Variants in DNAI7 observed in about 807,000 individuals in gnomAD.
DNAI7 encodes cancer susceptibility 1.
In DNAI7, 78 loss-of-function variants were observed where a neutral mutation model predicts 86.6. That is an observed-to-expected ratio of 0.90 (90% CI 0.75 to 1.09). The LOEUF is 1.09. DNAI7 is among the 50% of genes least tolerant of loss of function. The pLI is 0.00. For synonymous variants in DNAI7, 274 were observed against 273.0 expected (o/e 1.00, Z -0.04); for missense variants, 753 against 810.2 (o/e 0.93, Z 0.86).
chr12:25,192,240 T>C (rs1041812603), intron 1 of DNAI7, among the ~76,000 whole-genome samples: 1 of 152,232 alleles, frequency 6.6e-6, no homozygotes, highest in African/African-American at 2.4e-5. Flanking sequence ...CAGCTGAATA[T>C]GTAAATAGCA....
chr12:25,195,146 G>C lies in DNAI7; in HGVS notation c.-68C>G, dbSNP rs777249650. The C allele has an allele frequency of 3.9e-6, 6 of 1,558,220 alleles. No homozygotes were observed. In the African/African-American group the frequency reaches 4.1e-5, roughly 11 times the overall value. On this transcript the variant is annotated 5_prime_UTR_variant, in exon 1 of 16. Transcript: ENST00000395987. Reference sequence around the variant, plus strand: ...GAAATTGTGTGGACAAACGCTCCCGGGTTGCCCGGACGACAGGCCCCGCCC... The same window carrying C: ...GAAATTGTGTGGACAAACGCTCCCGCGTTGCCCGGACGACAGGCCCCGCCC...
chr12:25,145,682 T>A (rs564667896), intron 8 of DNAI7, among the ~76,000 whole-genome samples: 6 of 152,310 alleles, frequency 3.9e-5, no homozygotes, highest in East Asian at 1.9e-4. Flanking sequence ...TAGTTTTTTT[T>A]AAATGTCACA....
In DNAI7 at chr12:25,148,585, T is replaced by G. The variant is rs1451043618; in HGVS notation, c.585+1043A>C. 2.3e-4 allele frequency among the ~76,000 whole-genome samples: 35 copies of G among 152,230 alleles called. 1 individual carries two copies. Among genetic ancestry groups the G allele is most frequent in the Admixed American group, 2.3e-3 (35 of 15,280 alleles). On this transcript the variant is annotated intron_variant, in intron 7 of 15. Transcript: ENST00000395987. ...AAATGGTGATTTCCTAACTGATCAC[T>G]GCATCCACATTAGATAGATGGCATT...
chr12:25,163,112 C>G (rs1388903453), intron 2 of DNAI7, among the ~76,000 whole-genome samples: 2 of 152,086 alleles, frequency 1.3e-5, no homozygotes, highest in African/African-American at 4.8e-5. Context: ...ACCTATAAAA[C>G]AAAAATGCAA....
At chr12:25,194,908 GA>G (rs779803682) in intron 1 of DNAI7, 167 bp downstream of exon 1, 1 of 1,614,164 alleles carries the variant, frequency 6.2e-7, no homozygotes. Flanking sequence ...TCCAGGTAAG[GA>G]AAGCCATTGC....
intron 11 of DNAI7, 94 bp downstream of exon 11, chr12:25,121,659 A>G (rs2220195): frequency 0.79 from 796,997 of 1,009,490 alleles, 323,167 homozygotes; most frequent in East Asian, 1. Flanking sequence ...GTGTTTAATA[A>G]GGTTAAAGCT....
At chr12:25,155,258 C>A (rs773393162) in intron 5 of DNAI7, 53 bp downstream of exon 5, 3 of 910,256 alleles carry the variant, frequency 3.3e-6, no homozygotes, top group Non-Finnish European at 5.1e-6. Flanking sequence ...TTGGACTACA[C>A]CTCCCTCTTG....
rs1008639331 is a variant in DNAI7 at position 25,121,312 on chromosome 12, G to T, written c.1239+441C>A. On this transcript the variant is annotated intron_variant, in intron 11 of 15. Coordinates refer to ENST00000395987, the MANE Select transcript of DNAI7 (RefSeq NM_018272.5). ...CTCACCACCAATTTTTGTAAATAAAGTTTTATTGGAACATAGCTGTGCCCA... is the reference window on the plus strand; with the variant it reads ...CTCACCACCAATTTTTGTAAATAAATTTTTATTGGAACATAGCTGTGCCCA... Among the ~76,000 whole-genome samples the T allele has an allele frequency of 3.3e-5, 5 of 152,168 alleles. No homozygotes were observed. The South Asian group carries it at 6.2e-4, about 19-fold the overall frequency.
intron 1 of DNAI7, among the ~76,000 whole-genome samples, chr12:25,191,009 C>T (rs963431876): frequency 1.3e-5 from 2 of 152,066 alleles, no homozygotes; most frequent in Non-Finnish European, 2.9e-5. Flanking sequence ...AAATCATTGA[C>T]CAATTATTGG....
intron 11 of DNAI7, among the ~76,000 whole-genome samples, chr12:25,120,303 A>G (rs1384117461): frequency 7.7e-6 from 1 of 130,672 alleles, no homozygotes; most frequent in Non-Finnish European, 1.7e-5. Context: ...GAAGAGAGAG[A>G]GAGGCAGGAA....
chr12:25,184,980 A>AAG (rs555608579), intron 2 of DNAI7, among the ~76,000 whole-genome samples: 9,026 of 150,816 alleles, frequency 0.06, 359 homozygotes, highest in Non-Finnish European at 0.091. Context: ...AAAAAAAAAA[A>AAG]AAAGAAAGAA....
intron 6 of DNAI7, among the ~76,000 whole-genome samples, chr12:25,150,062 A>T (rs1945310803): frequency 6.6e-6 from 1 of 152,310 alleles, no homozygotes; most frequent in Non-Finnish European, 1.5e-5. Context: ...TTCTTTACAG[A>T]AGAGTGCCAT....
At chr12:25,171,961 T>A (rs1037737656) in intron 2 of DNAI7, among the ~76,000 whole-genome samples, 1 of 152,086 alleles carries the variant, frequency 6.6e-6, no homozygotes, top group Admixed American at 6.6e-5. Context: ...AAGGGACATA[T>A]CTTAATGTAA....
intron 7 of DNAI7, among the ~76,000 whole-genome samples, chr12:25,147,483 C>CCCCAA (rs765651980): frequency 6.7e-6 from 1 of 150,124 alleles, no homozygotes; most frequent in Non-Finnish European, 1.5e-5. Flanking sequence ...GAGACCACCC[C>CCCCAA]CATCTCTACA....
At chr12:25,166,337 A>C (rs1383325741) in intron 2 of DNAI7, among the ~76,000 whole-genome samples, 1 of 152,096 alleles carries the variant, frequency 6.6e-6, no homozygotes, top group Admixed American at 6.5e-5. Flanking sequence ...TGCCAAACCC[A>C]TACACTCTCC....
chr12:25,184,236 C>T (rs1324862044), intron 2 of DNAI7, among the ~76,000 whole-genome samples: 1 of 152,218 alleles, frequency 6.6e-6, no homozygotes, highest in Non-Finnish European at 1.5e-5. Flanking sequence ...CATTTTTCAT[C>T]ACCCCGAAAT....
At chr12:25,151,963 G>A (rs1445621272) in intron 6 of DNAI7, among the ~76,000 whole-genome samples, 1 of 152,172 alleles carries the variant, frequency 6.6e-6, no homozygotes, top group African/African-American at 2.4e-5. Flanking sequence ...AAAACTGTGA[G>A]GAAGTGGACC....
chr12:25,158,384 G>A (rs931507048), intron 4 of DNAI7, 88 bp downstream of exon 4: 4 of 986,498 alleles, frequency 4.1e-6, no homozygotes, highest in Admixed American at 4.4e-5. Context: ...ATTACTGGTA[G>A]CTATGGGCTG....
chr12:25,163,938 C>T (rs1386101521), intron 2 of DNAI7, among the ~76,000 whole-genome samples: 1 of 152,182 alleles, frequency 6.6e-6, no homozygotes, highest in African/African-American at 2.4e-5. Context: ...ACCCAAAACT[C>T]CGGTGCTGGT....
Sources: gnomAD v4.1 joint callset for allele counts (sites outside exome capture counted in the v4.1 genomes callset) on GRCh38, gnomAD v4.1.1 for gene constraint, MANE v1.5 for transcripts, NCBI Gene and HGNC (gene_info 2026-07-23, HGNC 2026-07-21) for gene names.